Variants in MTCL3 observed in about 807,000 individuals in gnomAD.
The protein encoded by MTCL3 is MTCL family member 3.
chr6:127,506,567 A>C, the MTCL3 span, among the ~76,000 whole-genome samples: 19 of 152,174 alleles, frequency 1.2e-4, no homozygotes, highest in East Asian at 3.5e-3. Context: ...AACCATTTCA[A>C]ATTCCCCCTC....
the MTCL3 span, among the ~76,000 whole-genome samples, chr6:127,479,008 C>T: frequency 1.6e-5 from 2 of 122,838 alleles, no homozygotes; most frequent in Non-Finnish European, 1.6e-5. Context: ...CAGAGAGAGA[C>T]TCCATCTAAA....
At chr6:127,474,849 T>C in the MTCL3 span, among the ~76,000 whole-genome samples, 1 of 151,986 alleles carries the variant, frequency 6.6e-6, no homozygotes, top group Non-Finnish European at 1.5e-5. Flanking sequence ...AGTCTAGTCA[T>C]TTTTTTTAAA....
the MTCL3 span, among the ~76,000 whole-genome samples, chr6:127,501,502 G>T: frequency 6.6e-6 from 1 of 152,094 alleles, no homozygotes; most frequent in Non-Finnish European, 1.5e-5. Flanking sequence ...TATTATTCAA[G>T]GTTCTTGGCT....
At chr6:127,475,628 G>T in the MTCL3 span, 1 of 1,598,758 alleles carries the variant, frequency 6.3e-7, no homozygotes, top group Non-Finnish European at 8.5e-7. This position sits in a 1 kb window ranked among gnomAD's most constrained non-coding sequence, Gnocchi z 7.3. Context: ...CCGGGCGCCG[G>T]GTAGAAGGAG....
At chr6:127,494,715 G>A in the MTCL3 span, among the ~76,000 whole-genome samples, 17 of 152,138 alleles carry the variant, frequency 1.1e-4, no homozygotes, top group African/African-American at 2.2e-4. Context: ...TGGGTTATTA[G>A]AGGGTCTGTC....
chr6:127,475,998 C>T, the MTCL3 span: 2 of 1,610,840 alleles, frequency 1.2e-6, no homozygotes, highest in Non-Finnish European at 1.7e-6. This position sits in a 1 kb window ranked among gnomAD's most constrained non-coding sequence, Gnocchi z 7.3. Context: ...ACTTGTTGAG[C>T]TCCGCCGTGA....
the MTCL3 span, chr6:127,476,304 T>A: frequency 6.2e-7 from 1 of 1,614,220 alleles, no homozygotes; most frequent in South Asian, 1.1e-5. The surrounding 1 kb of genome is among the most constrained non-coding windows in gnomAD (Gnocchi z 4.4). Context: ...CTCCGGCTTC[T>A]CCTTTGGGCA....
At chr6:127,515,187 G>T in the MTCL3 span, 1 of 784,836 alleles carries the variant, frequency 1.3e-6, no homozygotes, top group African/African-American at 1.7e-5. This position sits in a 1 kb window ranked among gnomAD's most constrained non-coding sequence, Gnocchi z 4.3. Flanking sequence ...ACAAGGAGCT[G>T]AGTACAGAAG....
At chr6:127,511,782 A>G in the MTCL3 span, among the ~76,000 whole-genome samples, 6,748 of 152,306 alleles carry the variant, frequency 0.044, 203 homozygotes, top group East Asian at 0.098. Flanking sequence ...ATCACAAAAA[A>G]TAGTTTACTC....
the MTCL3 span, among the ~76,000 whole-genome samples, chr6:127,512,057 C>A: frequency 6.6e-6 from 1 of 152,250 alleles, no homozygotes; most frequent in Admixed American, 6.5e-5. Flanking sequence ...GTTCAGGTAG[C>A]TATCAAAGAG....
chr6:127,498,238 A>T, the MTCL3 span, among the ~76,000 whole-genome samples: 1 of 152,198 alleles, frequency 6.6e-6, no homozygotes. Context: ...TTAAATTGGA[A>T]CTCAAAAATA....
chr6:127,505,229 T>A, the MTCL3 span, among the ~76,000 whole-genome samples: 1 of 152,232 alleles, frequency 6.6e-6, no homozygotes, highest in Non-Finnish European at 1.5e-5. Context: ...GCGAGATAAC[T>A]GTGGGTCTTA....
the MTCL3 span, chr6:127,515,526 G>T: frequency 6.9e-7 from 1 of 1,450,630 alleles, no homozygotes; most frequent in Non-Finnish European, 9.0e-7. The surrounding 1 kb of genome is among the most constrained non-coding windows in gnomAD (Gnocchi z 4.3). Context: ...TGAGAGTCTC[G>T]TTTTCCTCTC....
chr6:127,514,637 C>T, the MTCL3 span, among the ~76,000 whole-genome samples: 1 of 152,242 alleles, frequency 6.6e-6, no homozygotes, highest in Non-Finnish European at 1.5e-5. Context: ...ACACTCTGCA[C>T]TCTTTAGAGC....
At chr6:127,475,218 C>A in the MTCL3 span, 1 of 1,477,626 alleles carries the variant, frequency 6.8e-7, no homozygotes, top group South Asian at 1.4e-5. This position sits in a 1 kb window ranked among gnomAD's most constrained non-coding sequence, Gnocchi z 7.3. Context: ...GTCCGGGCGC[C>A]GAGACGCCCC....
At chr6:127,516,009 G>A in the MTCL3 span, 1 of 1,592,808 alleles carries the variant, frequency 6.3e-7, no homozygotes, top group Non-Finnish European at 8.5e-7. Context: ...TCTGCTGAGC[G>A]CGTACGCCTT....
chr6:127,486,626 T>A, the MTCL3 span, among the ~76,000 whole-genome samples: 1 of 152,192 alleles, frequency 6.6e-6, no homozygotes, highest in African/African-American at 2.4e-5. Flanking sequence ...GTTCTCTAGA[T>A]AAATACGTTG....
chr6:127,486,928 C>CAT, the MTCL3 span, among the ~76,000 whole-genome samples: 2 of 151,946 alleles, frequency 1.3e-5, no homozygotes, highest in Non-Finnish European at 2.9e-5. Context: ...ACATATTATG[C>CAT]ATATAGAAGT....
chr6:127,495,913 G>A, the MTCL3 span, among the ~76,000 whole-genome samples: 23 of 152,068 alleles, frequency 1.5e-4, no homozygotes, highest in Admixed American at 1.3e-3. Context: ...GCATGGCAAC[G>A]CTGGGTTAAA....
Sources: allele counts gnomAD v4.1 joint callset (sites outside exome capture counted in the v4.1 genomes callset), GRCh38; gene constraint gnomAD v4.1.1; non-coding constraint Gnocchi (gnomAD v3.1); transcripts MANE v1.5; gene names NCBI Gene and HGNC (gene_info 2026-07-23, HGNC 2026-07-21).